Variants in MINDY3 observed in about 807,000 individuals in gnomAD.
The protein encoded by MINDY3 is ubiquitin carboxyl-terminal hydrolase MINDY-3.
Under a neutral mutation model 69.2 loss-of-function variants are expected in MINDY3, and 38 were observed. That is an observed-to-expected ratio of 0.55 (90% confidence interval 0.42 to 0.72). The LOEUF (loss-of-function observed/expected upper bound fraction) is 0.72. MINDY3 is among the 30% of genes least tolerant of loss of function. MINDY3 has a pLI of 0.00. For missense variants in MINDY3, 522 were observed against 519.0 expected, an observed-to-expected ratio of 1.01 and a Z score of -0.06; for synonymous variants, 192 against 180.1, an observed-to-expected ratio of 1.07 and a Z score of -0.53.
intron 13 of MINDY3, chr10:15,782,460 C>T: frequency 2.3e-6 from 1 of 431,640 alleles, no homozygotes. Context: ...CCATTATAAG[C>T]TCTTCAGAAC....
chr10:15,784,031 C>T (rs1012274526), intron 13 of MINDY3, among the ~76,000 whole-genome samples: 2 of 152,138 alleles, frequency 1.3e-5, no homozygotes, highest in Non-Finnish European at 2.9e-5. Context: ...TGACCTTAAA[C>T]AATTGTCTTA....
rs984502919 is a variant in MINDY3 at position 15,808,700 on chromosome 10, C to T, written c.882+8135G>A. 2.0e-5 allele frequency among the ~76,000 whole-genome samples: 3 copies of T among 152,098 alleles called. No homozygotes were observed. In the East Asian group the frequency reaches 5.8e-4, roughly 29 times the overall value. On this transcript the variant is annotated intron_variant, in intron 10 of 14. Coordinates refer to ENST00000277632, the MANE Select transcript of MINDY3 (RefSeq NM_024948.4). ...TGTCATGGATATTCACGTGTTCATG[C>T]CTGACAAGAAAACTGCTTTTATCAA... is the stretch of plus-strand genomic sequence containing the variant.
At chr10:15,827,142 G>C (rs1840137569) in intron 8 of MINDY3, among the ~76,000 whole-genome samples, 1 of 144,650 alleles carries the variant, frequency 6.9e-6, no homozygotes, top group South Asian at 2.2e-4. Context: ...AAAAATCTGG[G>C]GGTGGGAGAC....
At chr10:15,831,239 T>G (rs1449552417) in intron 8 of MINDY3, among the ~76,000 whole-genome samples, 1 of 152,186 alleles carries the variant, frequency 6.6e-6, no homozygotes, top group Non-Finnish European at 1.5e-5. Flanking sequence ...AGGATTAATT[T>G]AGAGTACGCC....
chr10:15,833,924 A>T (rs1054713366), intron 7 of MINDY3, among the ~76,000 whole-genome samples: 2 of 152,132 alleles, frequency 1.3e-5, no homozygotes, highest in African/African-American at 4.8e-5. Context: ...CTACATATTC[A>T]CATACATTTA....
intron 10 of MINDY3, among the ~76,000 whole-genome samples, chr10:15,806,606 T>C (rs1235972697): frequency 1.3e-5 from 2 of 152,200 alleles, no homozygotes; most frequent in Non-Finnish European, 2.9e-5. Context: ...TTTACATTCA[T>C]GCCACGGATA....
chr10:15,785,072 T>C (rs1336021032), intron 13 of MINDY3, among the ~76,000 whole-genome samples: 1 of 152,104 alleles, frequency 6.6e-6, no homozygotes, highest in Non-Finnish European at 1.5e-5. Context: ...GGGAGAAACC[T>C]GAGAATTAGC....
At chr10:15,796,043 A>T in intron 11 of MINDY3, 57 bp downstream of exon 11, 1 of 1,218,164 alleles carries the variant, frequency 8.2e-7, no homozygotes, top group Non-Finnish European at 1.2e-6. Flanking sequence ...GGTCGCTATC[A>T]ATGTATTTCA....
intron 5 of MINDY3, 98 bp downstream of exon 5, chr10:15,838,130 T>C: frequency 2.2e-6 from 3 of 1,354,686 alleles, no homozygotes; most frequent in Non-Finnish European, 2.9e-6. Flanking sequence ...AAGTAGCGCA[T>C]TTCTATGTAA....
intron 2 of MINDY3, among the ~76,000 whole-genome samples, chr10:15,846,809 C>T (rs1833881361): frequency 6.6e-6 from 1 of 151,714 alleles, no homozygotes; most frequent in South Asian, 2.1e-4. Context: ...CTGCAACATC[C>T]ACCTCCCAGG....
intron 7 of MINDY3, among the ~76,000 whole-genome samples, chr10:15,833,963 G>T (rs1398247532): frequency 6.6e-6 from 1 of 151,716 alleles, no homozygotes; most frequent in East Asian, 1.9e-4. Context: ...TATTTAAATG[G>T]ATAAAAAATG....
At chr10:15,796,445 A>G (rs1837835896) in intron 10 of MINDY3, among the ~76,000 whole-genome samples, 2 of 151,806 alleles carry the variant, frequency 1.3e-5, no homozygotes, top group Admixed American at 1.3e-4. Flanking sequence ...AAAAACGTCT[A>G]ATACAGGTAG....
chr10:15,849,328 G>A (rs1341787127), intron 1 of MINDY3, among the ~76,000 whole-genome samples: 1 of 152,288 alleles, frequency 6.6e-6, no homozygotes, highest in African/African-American at 2.4e-5. Flanking sequence ...GGGGTAGGAT[G>A]GAGGTGCCAG....
At chr10:15,807,182 G>A (rs144834137) in intron 10 of MINDY3, among the ~76,000 whole-genome samples, 2 of 152,270 alleles carry the variant, frequency 1.3e-5, no homozygotes, top group East Asian at 3.9e-4. Flanking sequence ...ACAACATTCA[G>A]TAAACACTCA....
intron 2 of MINDY3, among the ~76,000 whole-genome samples, chr10:15,845,165 T>A (rs1264211484): frequency 6.6e-6 from 1 of 152,200 alleles, no homozygotes; most frequent in Non-Finnish European, 1.5e-5. Flanking sequence ...GGTACAAAAT[T>A]ATCTAAACTT....
chr10:15,809,500 A>G (rs1564480378), intron 10 of MINDY3, among the ~76,000 whole-genome samples: 1 of 152,184 alleles, frequency 6.6e-6, no homozygotes, highest in African/African-American at 2.4e-5. Flanking sequence ...TACAGGGCAC[A>G]TTCTGTCTCC....
chr10:15,805,994 G>C (rs1008046081), intron 10 of MINDY3, among the ~76,000 whole-genome samples: 1 of 151,924 alleles, frequency 6.6e-6, no homozygotes, highest in Non-Finnish European at 1.5e-5. Context: ...ATTCCTTTTT[G>C]CCATCACCAC....
chr10:15,782,544 G>C (rs1334730984), intron 13 of MINDY3, among the ~76,000 whole-genome samples: 2 of 151,950 alleles, frequency 1.3e-5, no homozygotes, highest in African/African-American at 4.8e-5. Flanking sequence ...TAAAACATTT[G>C]CTAAAGTATA....
At chr10:15,829,622 C>T (rs962711479) in intron 8 of MINDY3, among the ~76,000 whole-genome samples, 9 of 152,098 alleles carry the variant, frequency 5.9e-5, no homozygotes, top group Non-Finnish European at 1.2e-4. Context: ...ATTGAAGGCA[C>T]TGAGCAGAGA....
Sources: gnomAD v4.1 joint callset for allele counts (sites outside exome capture counted in the v4.1 genomes callset) on GRCh38, gnomAD v4.1.1 for gene constraint, MANE v1.5 for transcripts, NCBI Gene and HGNC (gene_info 2026-07-23, HGNC 2026-07-21) for gene names.